The following BCAS3 variants were observed in gnomAD, a reference collection of about 807,000 sequenced individuals.
The protein encoded by BCAS3 is BCAS3 microtubule associated cell migration factor, also known as BCAS4/BCAS3 fusion.
In BCAS3, 53 loss-of-function variants were observed where a neutral mutation model predicts 116.1. The observed-to-expected ratio is 0.46, with a 90% confidence interval of 0.37 to 0.57. The LOEUF (loss-of-function observed/expected upper bound fraction) is 0.57. Ranked by LOEUF, BCAS3 falls within the 20% of genes least tolerant of loss-of-function variation. The pLI is 0.00. For missense variants in BCAS3, 917 were observed against 1,165.4 expected (o/e 0.79, Z 3.10); for synonymous variants, 391 against 408.2 (o/e 0.96, Z 0.51).
intron 22 of BCAS3, among the ~76,000 whole-genome samples, chr17:61,121,586 T>C (rs2143810348): frequency 6.6e-6 from 1 of 152,360 alleles, no homozygotes; most frequent in South Asian, 2.1e-4. Flanking sequence ...CATTCATGGA[T>C]GACACGAAGG....
chr17:61,181,818 A>C lies in BCAS3; in HGVS notation c.2425+97254A>C, dbSNP rs2144175564. Reference sequence around the variant, plus strand: ...ACATGATATGACAGCAGAGGTTGGAAACTTTTTAGTTGCTTAATATTTTAT... The same window carrying C: ...ACATGATATGACAGCAGAGGTTGGACACTTTTTAGTTGCTTAATATTTTAT... On this transcript the variant is annotated intron_variant, in intron 22 of 23. Transcript: ENST00000407086. This position sits in a 1 kb window ranked among gnomAD's most constrained non-coding sequence, Gnocchi z 5.0. 1.3e-5 allele frequency among the ~76,000 whole-genome samples: 2 copies of C among 152,022 alleles called. No homozygotes were observed. Among genetic ancestry groups the C allele is most frequent in the South Asian group, 4.1e-4 (2 of 4,820 alleles).
In BCAS3 at chr17:61,224,849, A is replaced by G. The variant is rs1379895131; in HGVS notation, c.2425+140285A>G. Among the ~76,000 whole-genome samples the G allele has an allele frequency of 6.6e-6, 1 of 152,236 alleles. No homozygotes were observed. The highest frequency in any genetic ancestry group is 6.5e-5 in the Admixed American group (1 of 15,288). On this transcript the variant is annotated intron_variant, in intron 22 of 23. Transcript: ENST00000407086. The surrounding 1 kb of genome is among the most constrained non-coding windows in gnomAD (Gnocchi z 5.7). ...TTGGCTTCAGCCTAGCCATATTTCA[A>G]GTGCTCAGTAGCCACATGTTGCTAG...
At chr17:61,127,383 A>C (rs746982201) in intron 22 of BCAS3, among the ~76,000 whole-genome samples, 2 of 151,912 alleles carry the variant, frequency 1.3e-5, no homozygotes, top group Non-Finnish European at 2.9e-5. Flanking sequence ...TATATTACTG[A>C]TGTGATGTGT....
At chr17:60,947,101 T>C (rs1305025280) in intron 13 of BCAS3, 118 bp from the exon 14 acceptor site, 2 of 1,017,336 alleles carry the variant, frequency 2.0e-6, no homozygotes, top group South Asian at 1.7e-5. Flanking sequence ...AAGTTTCTTA[T>C]AGCCTTGGTA....
intron 4 of BCAS3, among the ~76,000 whole-genome samples, chr17:60,698,920 G>C (rs1352681442): frequency 6.6e-6 from 1 of 152,090 alleles, no homozygotes; most frequent in African/African-American, 2.4e-5. Context: ...AGCTGGGTGT[G>C]GTGGTGGGCA....
chr17:60,814,306 T>TGCGCGCGCGTGTGTGCGC (rs1555731469), intron 7 of BCAS3, among the ~76,000 whole-genome samples: 1 of 148,198 alleles, frequency 6.7e-6, no homozygotes, highest in Non-Finnish European at 1.5e-5. Flanking sequence ...TGTGTGTGTG[T>TGCGCGCGCGTGTGTGCGC]GCGCGCGTGC....
chr17:61,128,624 G>C lies in BCAS3; in HGVS notation c.2425+44060G>C. On this transcript the variant is annotated intron_variant, in intron 22 of 23. Coordinates refer to ENST00000407086, the MANE Select transcript of BCAS3 (RefSeq NM_017679.5). The surrounding 1 kb of genome is among the most constrained non-coding windows in gnomAD (Gnocchi z 4.1). ...GAGAGAGAAAGCAAGTAACCCAGCA[G>C]AGTTTGTGACAGAAACTGTTAGCCC... 1 of 980,568 alleles carries C rather than the reference G, an allele frequency of 1.0e-6. No individual in the cohort carries two copies. The highest frequency in any genetic ancestry group is 1.2e-6 in the Non-Finnish European group (1 of 825,524). 60.7% of individuals were successfully genotyped at this position (980,568 alleles called of 1,614,324 possible). A position where few individuals can be genotyped will look rare whatever the true frequency, so the allele number is the denominator to read the frequency against.
At chr17:60,977,282 C>A (rs929196369) in intron 14 of BCAS3, among the ~76,000 whole-genome samples, 1 of 152,130 alleles carries the variant, frequency 6.6e-6, no homozygotes, top group East Asian at 1.9e-4. Flanking sequence ...TGGGCACCAG[C>A]GATCCTCCCA....
intron 7 of BCAS3, among the ~76,000 whole-genome samples, chr17:60,841,403 C>T (rs1329120576): frequency 4.7e-5 from 7 of 147,982 alleles, no homozygotes; most frequent in African/African-American, 1.5e-4. Flanking sequence ...TTTTTGAGAC[C>T]GAGTCTCGCT....
intron 19 of BCAS3, chr17:61,070,493 A>G (rs2071322393): frequency 5.6e-6 from 1 of 178,314 alleles, no homozygotes; most frequent in African/African-American, 2.3e-5. Flanking sequence ...TTTTGAATGT[A>G]TAGTTCTATT....
intron 22 of BCAS3, among the ~76,000 whole-genome samples, chr17:61,283,753 G>T (rs35348814): frequency 2.0e-5 from 3 of 151,900 alleles, no homozygotes; most frequent in African/African-American, 7.3e-5. Flanking sequence ...GCACTTGGCC[G>T]TAAATTGATT....
At chr17:60,804,412 CAG>C (rs1384301287) in intron 6 of BCAS3, among the ~76,000 whole-genome samples, 2 of 151,950 alleles carry the variant, frequency 1.3e-5, no homozygotes, top group Non-Finnish European at 2.9e-5. Flanking sequence ...ACCTTGGAGA[CAG>C]AGGTTGCAGT....
At chr17:60,921,636 A>G (rs1308925265) in intron 12 of BCAS3, among the ~76,000 whole-genome samples, 1 of 150,872 alleles carries the variant, frequency 6.6e-6, no homozygotes, top group African/African-American at 2.4e-5. Context: ...AAAAAAAAAA[A>G]CATTGACCAC....
rs559632805 is a variant in BCAS3 at position 60,966,796 on chromosome 17, A to G, written c.1221+19444A>G. Reference sequence around the variant, plus strand: ...GCCTCCTGAGTAGCTGGGATTACAGACATGTGCCACCATGTCCAGCTAATT... The same window carrying G: ...GCCTCCTGAGTAGCTGGGATTACAGGCATGTGCCACCATGTCCAGCTAATT... On this transcript the variant is annotated intron_variant, in intron 14 of 23. Transcript: ENST00000407086. Among the ~76,000 whole-genome samples, 4 of 151,626 alleles carry G rather than the reference A, an allele frequency of 2.6e-5. No individual in the cohort carries two copies. In the East Asian group the frequency reaches 7.8e-4, roughly 29 times the overall value.
chr17:60,972,394 C>A (rs960946201), intron 14 of BCAS3, among the ~76,000 whole-genome samples: 1 of 150,892 alleles, frequency 6.6e-6, no homozygotes, highest in African/African-American at 2.4e-5. Context: ...GGAAGCTACC[C>A]TTTGCATAAG....
At chr17:61,255,947 A>G (rs879641749) in intron 22 of BCAS3, among the ~76,000 whole-genome samples, 9 of 152,206 alleles carry the variant, frequency 5.9e-5, no homozygotes, top group Admixed American at 1.3e-4. Flanking sequence ...AGAGATGGGA[A>G]ATGCTGCTCT....
intron 5 of BCAS3, among the ~76,000 whole-genome samples, chr17:60,709,902 A>G (rs1224518956): frequency 2.6e-5 from 4 of 152,232 alleles, no homozygotes; most frequent in Non-Finnish European, 1.5e-5. Context: ...GAGATGTAGT[A>G]AATACTGCAT....
At chr17:61,191,504 G>A (rs774947274) in intron 22 of BCAS3, among the ~76,000 whole-genome samples, 2 of 152,152 alleles carry the variant, frequency 1.3e-5, no homozygotes, top group Non-Finnish European at 2.9e-5. Flanking sequence ...GGCCAGGCGC[G>A]GTGGCTCACG....
At chr17:61,335,010 A>T (rs1178760659) in intron 22 of BCAS3, among the ~76,000 whole-genome samples, 2 of 152,248 alleles carry the variant, frequency 1.3e-5, no homozygotes, top group Admixed American at 1.3e-4. Context: ...ACAGGACCTC[A>T]GTTACCTGGC....
Sources: allele counts gnomAD v4.1 joint callset (sites outside exome capture counted in the v4.1 genomes callset), GRCh38; gene constraint gnomAD v4.1.1; non-coding constraint Gnocchi (gnomAD v3.1); transcripts MANE v1.5; gene names NCBI Gene and HGNC (gene_info 2026-07-23, HGNC 2026-07-21).